Variants in TNS4 observed in about 807,000 individuals in gnomAD.
The protein encoded by TNS4 is tensin-4.
In TNS4, 46 loss-of-function variants were observed where a neutral mutation model predicts 70.4. That is an observed-to-expected ratio of 0.65 (90% CI 0.52 to 0.84). TNS4 has a LOEUF of 0.84. Among genes scored for constraint, TNS4 ranks in the 40% least tolerant of loss-of-function variants. TNS4 has a pLI of 0.00. For synonymous variants in TNS4, 390 were observed against 366.6 expected (o/e 1.06, Z -0.73); for missense variants, 863 against 907.0 (o/e 0.95, Z 0.62).
intron 2 of TNS4, among the ~76,000 whole-genome samples, chr17:40,493,000 G>GA (rs113724483): frequency 5.4e-5 from 8 of 148,470 alleles, no homozygotes; most frequent in East Asian, 2.0e-4. Context: ...ACCCACCAAA[G>GA]AAAAAAAAAA....
chr17:40,478,285 C>T, intron 12 of TNS4, 22 bp downstream of exon 12: 1 of 1,613,808 alleles, frequency 6.2e-7, no homozygotes, highest in South Asian at 1.1e-5. Context: ...GGGTTTGGGG[C>T]CCTGAGACAG....
intron 10 of TNS4, among the ~76,000 whole-genome samples, chr17:40,479,301 C>G (rs1416012067): frequency 1.3e-5 from 2 of 152,204 alleles, no homozygotes; most frequent in Non-Finnish European, 2.9e-5. Context: ...GTGCGTGCCA[C>G]CATGCCCGGC....
chr17:40,496,003 C>T lies in TNS4; in HGVS notation c.423G>A (p.Glu141=). ...AQSTMSMRKK[E]ESEALDIKYI... ...AATCCTTACCCAAGGCTTCAGATTC[C>T]TCCTTCTTTCTCATTGACATGGTGC... The change falls in exon 2 of 13, where the codon GAG becomes GAA. Residue 141 remains glutamate, a synonymous_variant. Transcript: ENST00000254051. 1 of 1,610,984 alleles carries T rather than the reference C, an allele frequency of 6.2e-7. No individual in the cohort carries two copies.
intron 12 of TNS4, 67 bp from the exon 13 acceptor site, chr17:40,477,796 G>T: frequency 6.7e-7 from 1 of 1,486,130 alleles, no homozygotes; most frequent in Admixed American, 1.7e-5. Context: ...TGGGAATGGG[G>T]TGGTGGGGGG....
Position 40,487,248 on chromosome 17 carries a change from C to A in TNS4, c.1076G>T (p.Ser359Ile), listed in dbSNP as rs1247075956. 1.9e-6 allele frequency: 3 copies of A among 1,614,062 alleles called. No individual in the cohort carries two copies. The highest frequency in any genetic ancestry group is 2.5e-6 in the Non-Finnish European group (3 of 1,180,036). Residue 359 changes from serine to isoleucine, a missense_variant, in exon 4 of 13, where the codon AGC becomes ATC. By Grantham distance (142) the Ser-to-Ile change is moderately radical. Transcript: ENST00000254051. The part of the protein sequence containing the change: ...HSPPLAKEHA[S>I]SCPPSITNSM... The stretch of plus-strand genomic sequence containing the variant: ...GTTGGTGATGGATGGGGGGCAGCTG[C>A]TGGCATGTTCTTTGGCCAGTGGTGG...
chr17:40,488,852 AG>A lies in TNS4; in HGVS notation c.556del (p.Leu186PhefsTer155), dbSNP rs1482900584. 1 of 1,612,834 alleles carries A rather than the reference AG, an allele frequency of 6.2e-7. No individual in the cohort carries two copies. The highest frequency in any genetic ancestry group is 8.5e-7 in the Non-Finnish European group (1 of 1,179,732). Reference protein sequence around the residue: ...FGSLRSGGLLLSRDVPRETRS... With the variant: ...FGSLRSGGLLXSRDVPRETRS... Reference sequence around the variant, plus strand: ...TGTCTCTCGGGGGACGTCTCTGGAAAGGAGGAGGCCACCACTGCGAAGGGAG... The same window carrying A: ...TGTCTCTCGGGGGACGTCTCTGGAAAGAGGAGGCCACCACTGCGAAGGGAG... On this transcript the variant is annotated frameshift_variant, in exon 3 of 13. Coordinates refer to ENST00000254051, the MANE Select transcript of TNS4 (RefSeq NM_032865.6). LOFTEE classifies it high-confidence loss of function.
chr17:40,500,027 C>G (rs1372779059), intron 1 of TNS4, among the ~76,000 whole-genome samples: 1 of 152,238 alleles, frequency 6.6e-6, no homozygotes, highest in African/African-American at 2.4e-5. Flanking sequence ...AGACACTGAA[C>G]ACCTTGCATT....
intron 2 of TNS4, among the ~76,000 whole-genome samples, chr17:40,494,561 A>G (rs967838381): frequency 2.0e-5 from 3 of 152,092 alleles, no homozygotes; most frequent in Non-Finnish European, 4.4e-5. Context: ...GTGAAACCCT[A>G]TCTCTACTGA....
At chr17:40,490,419 G>A (rs1288299856) in intron 2 of TNS4, among the ~76,000 whole-genome samples, 31 of 152,252 alleles carry the variant, frequency 2.0e-4, no homozygotes, top group Non-Finnish European at 4.4e-5. Context: ...TTAATGAGCC[G>A]CTCCTTTCTG....
chr17:40,501,285 A>G (rs2036212041), intron 1 of TNS4, among the ~76,000 whole-genome samples: 1 of 152,070 alleles, frequency 6.6e-6, no homozygotes, highest in African/African-American at 2.4e-5. Context: ...CGTCTCTACT[A>G]AACATAAGAA....
rs1447621808 is a variant in TNS4 at position 40,487,082 on chromosome 17, GCT to G, written c.1240_1241del (p.Ser414GlnfsTer33). The G allele has an allele frequency of 3.7e-6, 6 of 1,614,226 alleles. No homozygotes were observed. The highest frequency in any genetic ancestry group is 5.1e-6 in the Non-Finnish European group (6 of 1,180,040). ...GGGCATCTGACAGGGTCTGGCTGTT[GCT>G]CCTGGTGGCTGGACAGGGGTTGCTG... ...SPSNPCPATR[S>X]NSQTLSDAPF... On this transcript the variant is annotated frameshift_variant, in exon 4 of 13. Transcript: ENST00000254051. LOFTEE classifies it high-confidence loss of function.
intron 2 of TNS4, among the ~76,000 whole-genome samples, chr17:40,491,956 G>A (rs1451111865): frequency 6.6e-6 from 1 of 152,172 alleles, no homozygotes; most frequent in African/African-American, 2.4e-5. Context: ...TTCCAAAGAT[G>A]GGGTGCGGGG....
intron 12 of TNS4, 144 bp from the exon 13 acceptor site, chr17:40,477,873 G>T: frequency 1.4e-6 from 1 of 721,238 alleles, no homozygotes; most frequent in Non-Finnish European, 2.3e-6. Context: ...CCTCCTTATG[G>T]TGGGGCTCCC....
intron 2 of TNS4, among the ~76,000 whole-genome samples, chr17:40,492,606 T>G (rs920645185): frequency 2.1e-5 from 3 of 140,548 alleles, no homozygotes; most frequent in Non-Finnish European, 4.8e-5. Context: ...TTTTTTTTTT[T>G]TTTTTTTGTT....
intron 5 of TNS4, 51 bp from the exon 6 acceptor site, chr17:40,484,660 G>A: frequency 6.2e-7 from 1 of 1,605,260 alleles, no homozygotes; most frequent in Non-Finnish European, 8.5e-7. Flanking sequence ...TGGACACCCT[G>A]TCCCCAGCCC....
chr17:40,477,545 G>A lies in TNS4; in HGVS notation c.*43C>T, dbSNP rs1048677707. The A allele has an allele frequency of 3.1e-6, 5 of 1,606,968 alleles. No homozygotes were observed. Among genetic ancestry groups the A allele is most frequent in the East Asian group, 2.2e-5 (1 of 44,762 alleles). ...AGGGGGTGGAGGGGGGCTCCTTAGC[G>A]AGCCCCTGGAGGTGTTGGTTAGGTG... is the stretch of plus-strand genomic sequence containing the variant. On this transcript the variant is annotated 3_prime_UTR_variant, in exon 13 of 13. Coordinates refer to ENST00000254051, the MANE Select transcript of TNS4 (RefSeq NM_032865.6).
At chr17:40,481,521 C>T (rs576862118) in intron 8 of TNS4, among the ~76,000 whole-genome samples, 4 of 152,274 alleles carry the variant, frequency 2.6e-5, no homozygotes, top group African/African-American at 4.8e-5. Flanking sequence ...CCCACCACCA[C>T]GCCCAGCTAA....
chr17:40,482,586 A>T (rs1316932791), intron 6 of TNS4, among the ~76,000 whole-genome samples, 170 bp from the exon 7 acceptor site: 10 of 17,274 alleles, frequency 5.8e-4, no homozygotes, highest in African/African-American at 1.0e-3. Flanking sequence ...TCTACTAAAG[A>T]CACACACACA....
At chr17:40,499,385 C>A (rs907445436) in intron 1 of TNS4, among the ~76,000 whole-genome samples, 68 of 152,248 alleles carry the variant, frequency 4.5e-4, no homozygotes, top group African/African-American at 1.6e-3. Flanking sequence ...CTTGCTGATG[C>A]CCCCGGCCGA....
Sources: gnomAD v4.1 joint callset for allele counts (sites outside exome capture counted in the v4.1 genomes callset) on GRCh38, gnomAD v4.1.1 for gene constraint, MANE v1.5 for transcripts, NCBI Gene and HGNC (gene_info 2026-07-23, HGNC 2026-07-21) for gene names.